The following PIK3CB variants were observed in gnomAD, a reference collection of about 807,000 sequenced individuals.
The protein encoded by PIK3CB is phosphatidylinositol 4,5-bisphosphate 3-kinase catalytic subunit beta isoform.
PIK3CB carries 39 observed loss-of-function variants against 136.8 expected under a neutral mutation model. That is an observed-to-expected ratio of 0.29 (90% CI 0.22 to 0.37). PIK3CB has a LOEUF of 0.37. PIK3CB is among the 10% of genes least tolerant of loss of function. PIK3CB has a pLI of 1.00. For missense variants in PIK3CB, 868 were observed against 1,275.4 expected (o/e 0.68, Z 4.87); for synonymous variants, 428 against 436.6 (o/e 0.98, Z 0.25).
intron 19 of PIK3CB, among the ~76,000 whole-genome samples, chr3:138,677,657 G>C (rs2043676638): frequency 6.6e-6 from 1 of 152,170 alleles, no homozygotes; most frequent in South Asian, 2.1e-4. Context: ...AATACTTTGG[G>C]AGGCCAAGGC....
chr3:138,785,408 C>A (rs2045971072), intron 2 of PIK3CB, among the ~76,000 whole-genome samples: 3 of 152,158 alleles, frequency 2.0e-5, no homozygotes, highest in Admixed American at 2.0e-4. Context: ...AGAAAGAGAT[C>A]AGATTGTTAC....
chr3:138,694,233 CT>C (rs2044087175), intron 14 of PIK3CB, among the ~76,000 whole-genome samples: 1 of 151,814 alleles, frequency 6.6e-6, no homozygotes, highest in Admixed American at 6.6e-5. Flanking sequence ...TGTATATCCA[CT>C]TTACTGCTGG....
intron 1 of PIK3CB, among the ~76,000 whole-genome samples, chr3:138,811,495 G>A (rs181526926): frequency 7.4e-5 from 11 of 148,860 alleles, no homozygotes; most frequent in Non-Finnish European, 1.3e-4. Flanking sequence ...GCGCAATCTC[G>A]GCTCACTGCA....
At chr3:138,767,470 TTG>T (rs2045747159) in intron 2 of PIK3CB, among the ~76,000 whole-genome samples, 1 of 152,182 alleles carries the variant, frequency 6.6e-6, no homozygotes, top group Non-Finnish European at 1.5e-5. Flanking sequence ...CCTTGGGGTG[TTG>T]TTTTTCTGGC....
chr3:138,750,803 C>A (rs1008865108), intron 4 of PIK3CB, among the ~76,000 whole-genome samples: 1 of 152,146 alleles, frequency 6.6e-6, no homozygotes, highest in Non-Finnish European at 1.5e-5. Flanking sequence ...TGAGATCACA[C>A]AGTATTTGAA....
At chr3:138,825,379 G>A (rs1576435226) in intron 1 of PIK3CB, 1 of 609,682 alleles carries the variant, frequency 1.6e-6, no homozygotes, top group East Asian at 2.7e-5. Flanking sequence ...ATGCTGAAGT[G>A]TGAAGCAACT....
At chr3:138,760,022 C>T (rs1158634650) in intron 2 of PIK3CB, among the ~76,000 whole-genome samples, 20 of 151,932 alleles carry the variant, frequency 1.3e-4, no homozygotes, top group African/African-American at 4.1e-4. Context: ...CCCAGTTTTA[C>T]GCCATTCTCC....
chr3:138,785,419 T>C (rs1382284706), intron 2 of PIK3CB, among the ~76,000 whole-genome samples: 1 of 152,190 alleles, frequency 6.6e-6, no homozygotes, highest in Non-Finnish European at 1.5e-5. Flanking sequence ...AGATTGTTAC[T>C]GTGTCTCTGT....
intron 14 of PIK3CB, among the ~76,000 whole-genome samples, chr3:138,693,206 ACCTCAGCCG>A (rs1216713801): frequency 6.6e-6 from 1 of 151,226 alleles, no homozygotes; most frequent in East Asian, 2.0e-4. Context: ...TGATCCTCCT[ACCTCAGCCG>A]CCCAAGTAGC....
chr3:138,717,438 G>A (rs1476618799), intron 8 of PIK3CB, among the ~76,000 whole-genome samples: 2 of 151,930 alleles, frequency 1.3e-5, no homozygotes, highest in Non-Finnish European at 2.9e-5. Context: ...ATGTCCAAAT[G>A]TAAGACCCTA....
intron 2 of PIK3CB, among the ~76,000 whole-genome samples, chr3:138,761,910 A>T (rs2045667764): frequency 6.6e-6 from 1 of 151,014 alleles, no homozygotes; most frequent in Non-Finnish European, 1.5e-5. Context: ...ACTGCACTCC[A>T]GCCTGGGCAA....
chr3:138,661,805 T>G (rs1017821143), intron 21 of PIK3CB, among the ~76,000 whole-genome samples: 5 of 152,206 alleles, frequency 3.3e-5, no homozygotes, highest in Non-Finnish European at 7.3e-5. Context: ...CAGAGAGATT[T>G]TCATTCTAGT....
At chr3:138,793,166 G>A (rs2046071789) in intron 2 of PIK3CB, among the ~76,000 whole-genome samples, 1 of 152,122 alleles carries the variant, frequency 6.6e-6, no homozygotes, top group African/African-American at 2.4e-5. Context: ...TCACTGGAGT[G>A]AACAAGAACA....
At chr3:138,777,576 ACT>A (rs2045874025) in intron 2 of PIK3CB, among the ~76,000 whole-genome samples, 1 of 152,004 alleles carries the variant, frequency 6.6e-6, no homozygotes, top group Non-Finnish European at 1.5e-5. Flanking sequence ...AGACAACCTG[ACT>A]CTGGTGTGCC....
At chr3:138,714,405 T>C (rs1302930030) in intron 9 of PIK3CB, 63 bp downstream of exon 9, 10 of 1,148,710 alleles carry the variant, frequency 8.7e-6, no homozygotes, top group South Asian at 1.6e-5. Flanking sequence ...ACTCAATTAT[T>C]TCAAACAGTC....
intron 1 of PIK3CB, among the ~76,000 whole-genome samples, chr3:138,822,255 C>T (rs567725636): frequency 3.0e-4 from 46 of 152,110 alleles, no homozygotes; most frequent in African/African-American, 1.1e-3. Context: ...ATAACTAGGC[C>T]GGGTATGGTG....
At chr3:138,740,128 C>T (rs1057312262) in intron 5 of PIK3CB, among the ~76,000 whole-genome samples, 3 of 151,664 alleles carry the variant, frequency 2.0e-5, no homozygotes, top group South Asian at 2.1e-4. Context: ...GAGGCCAAAG[C>T]GGGTGGATCA....
chr3:138,780,261 TTTTG>T (rs1200652465), intron 2 of PIK3CB, among the ~76,000 whole-genome samples: 1 of 151,844 alleles, frequency 6.6e-6, no homozygotes, highest in Non-Finnish European at 1.5e-5. Context: ...GAAAACTAAC[TTTTG>T]TTTTTTTGTT....
At chr3:138,672,671 G>C (rs1331211811) in intron 19 of PIK3CB, among the ~76,000 whole-genome samples, 1 of 152,046 alleles carries the variant, frequency 6.6e-6, no homozygotes, top group East Asian at 1.9e-4. Flanking sequence ...CTTTGACCTG[G>C]GAGATGGAGC....
Sources: allele counts gnomAD v4.1 joint callset (sites outside exome capture counted in the v4.1 genomes callset), GRCh38; gene constraint gnomAD v4.1.1; transcripts MANE v1.5; gene names NCBI Gene and HGNC (gene_info 2026-07-23, HGNC 2026-07-21).